ACAT1: variants seen among roughly 807,000 people sequenced by gnomAD.
ACAT1 encodes the protein acetyl-CoA acetyltransferase 1.
A neutral mutation model predicts 47.3 loss-of-function variants in ACAT1; 28 were observed. That is an observed-to-expected ratio of 0.59 (90% CI 0.44 to 0.81). ACAT1 has a LOEUF of 0.81. Among genes scored for constraint, ACAT1 ranks in the 30% least tolerant of loss-of-function variants. The probability of loss-of-function intolerance (pLI) is 0.00; values close to 1 mark genes in which losing one functional copy is unlikely to be tolerated. For synonymous variants in ACAT1, 181 were observed against 173.6 expected, an observed-to-expected ratio of 1.04 and a Z score of -0.34; for missense variants, 469 against 524.3, an observed-to-expected ratio of 0.89 and a Z score of 1.03.
chr11:108,147,201 A>C (rs1340717223), intron 11 of ACAT1, 69 bp from the exon 12 acceptor site: 2 of 1,574,074 alleles, frequency 1.3e-6, no homozygotes, highest in African/African-American at 1.3e-5. Context: ...GTTAAATTGG[A>C]ATAGAAACAT....
At chr11:108,131,832 C>A in intron 1 of ACAT1, 75 bp from the exon 2 acceptor site, 1 of 694,016 alleles carries the variant, frequency 1.4e-6, no homozygotes, top group African/African-American at 1.9e-5. Flanking sequence ...CCACTATAAC[C>A]TTATCACTGA....
Position 108,121,662 on chromosome 11 carries a change from TCCG to T in ACAT1, c.57_59del (p.Arg21del). 6.5e-7 allele frequency: 1 copy of T among 1,549,248 alleles called. No homozygotes were observed. The highest frequency in any genetic ancestry group is 2.4e-5 in the East Asian group (1 of 41,012). On this transcript the variant is annotated inframe_deletion, in exon 1 of 12. Coordinates refer to ENST00000265838, the MANE Select transcript of ACAT1 (RefSeq NM_000019.4). ...GGCGCCCGCAGCCGCAGCCCCCTGC[TCCG>T]GAGGCTGGTGCAGGTGAGCGGGGTT...
intron 10 of ACAT1, among the ~76,000 whole-genome samples, chr11:108,144,503 G>C (rs1052216082): frequency 1.3e-5 from 2 of 152,140 alleles, no homozygotes; most frequent in Non-Finnish European, 2.9e-5. Context: ...GTCAGTAAGG[G>C]CTATCCAAGT....
In ACAT1 at chr11:108,122,885, T is replaced by TA. The variant is rs11323289; in HGVS notation, c.72+1218dup. ...AGGTGAACTAGGTACTCTAGAGATG[T>TA]AAAAAAAAAAAGTTCAGAACCTTCT... On this transcript the variant is annotated intron_variant, in intron 1 of 11. Coordinates refer to ENST00000265838, the MANE Select transcript of ACAT1 (RefSeq NM_000019.4). Among the ~76,000 whole-genome samples, 369 of 146,878 alleles carry TA rather than the reference T, an allele frequency of 2.5e-3. 1 individual carries two copies. Among genetic ancestry groups the TA allele is most frequent in the African/African-American group, 7.5e-3 (304 of 40,382 alleles).
In ACAT1 at chr11:108,147,506, C is replaced by CTATG; in HGVS notation, c.*118_*121dup. On this transcript the variant is annotated 3_prime_UTR_variant, in exon 12 of 12. Coordinates refer to ENST00000265838, the MANE Select transcript of ACAT1 (RefSeq NM_000019.4). ...AAGCTGTTTCATTTTTTATTATTTTCTATGTTAACTTTTAAAAATCAAAAT... is the reference window on the plus strand; with the variant it reads ...AAGCTGTTTCATTTTTTATTATTTTCTATGTATGTTAACTTTTAAAAATCAAAAT... 1 of 1,309,962 alleles carries CTATG rather than the reference C, an allele frequency of 7.6e-7. No individual in the cohort carries two copies. The highest frequency in any genetic ancestry group is 1.1e-6 in the Non-Finnish European group (1 of 944,072). 81.1% of individuals were successfully genotyped at this position (1,309,962 alleles called of 1,614,324 possible).
At chr11:108,129,387 G>T (rs76025100) in intron 1 of ACAT1, among the ~76,000 whole-genome samples, 3 of 150,790 alleles carry the variant, frequency 2.0e-5, no homozygotes, top group Non-Finnish European at 3.0e-5. Flanking sequence ...TTTTTTTTTT[G>T]AGATGGAGTC....
chr11:108,131,870 T>A, intron 1 of ACAT1, 37 bp from the exon 2 acceptor site: 2 of 989,794 alleles, frequency 2.0e-6, no homozygotes, highest in Non-Finnish European at 2.9e-6. Flanking sequence ...AGTTTAATAT[T>A]TTTTACATTA....
chr11:108,134,911 C>T (rs2077437907), intron 4 of ACAT1, among the ~76,000 whole-genome samples: 1 of 131,662 alleles, frequency 7.6e-6, no homozygotes, highest in Non-Finnish European at 1.5e-5. Context: ...CGCCACTGCA[C>T]GCCAGCTTGG....
chr11:108,146,220 T>C lies in ACAT1; in HGVS notation c.1024T>C (p.Leu342=). The change falls in exon 11 of 12, where the codon TTG becomes CTG. Residue 342 remains leucine (L), a synonymous_variant. Coordinates refer to ENST00000265838, the MANE Select transcript of ACAT1 (RefSeq NM_000019.4). ...ATTTAAGGTTCTTAAAGATGTGGGATTGAAAAAAGAAGATATTGCAATGTG... is the reference window on the plus strand; with the variant it reads ...ATTTAAGGTTCTTAAAGATGTGGGACTGAAAAAAGAAGATATTGCAATGTG... ...AASMVLKDVG[L]KKEDIAMWEV... is the part of the protein sequence containing the mutation. 1 of 1,612,764 alleles carries C rather than the reference T, an allele frequency of 6.2e-7. No individual in the cohort carries two copies. The highest frequency in any genetic ancestry group is 8.5e-7 in the Non-Finnish European group (1 of 1,179,036).
chr11:108,120,825 G>C (rs1159905592), upstream of ACAT1, among the ~76,000 whole-genome samples: 1 of 152,042 alleles, frequency 6.6e-6, no homozygotes. Flanking sequence ...TTGAGAGGCT[G>C]AGTCTGGCCG....
At chr11:108,124,452 G>A (rs1283496382) in intron 1 of ACAT1, among the ~76,000 whole-genome samples, 16 of 151,878 alleles carry the variant, frequency 1.1e-4, no homozygotes, top group African/African-American at 3.9e-4. Context: ...TAGTAGGGAC[G>A]GGCTTTCACC....
intron 5 of ACAT1, 56 bp downstream of exon 5, chr11:108,135,298 A>G: frequency 7.6e-7 from 1 of 1,320,508 alleles, no homozygotes. Flanking sequence ...GGGCTAAAAG[A>G]CACAAAAATC....
rs745737942 is a variant in ACAT1, at chr11:108,146,171, T to A, written c.1006-31T>A. ...CAGTAAGTTGTGATTGCTAATTATTTGAACATCATCTGTCTTTTAAAAAAT... is the reference window on the plus strand; with the variant it reads ...CAGTAAGTTGTGATTGCTAATTATTAGAACATCATCTGTCTTTTAAAAAAT... On this transcript the variant is annotated intron_variant, in intron 10 of 11. Transcript: ENST00000265838. The A allele has an allele frequency of 2.6e-6, 4 of 1,545,008 alleles. No individual in the cohort carries two copies. In the African/African-American group the frequency reaches 5.4e-5, roughly 21 times the overall value.
intron 4 of ACAT1, among the ~76,000 whole-genome samples, chr11:108,134,747 C>T (rs2077432674): frequency 6.7e-6 from 1 of 150,326 alleles, no homozygotes; most frequent in Non-Finnish European, 1.5e-5. Flanking sequence ...AGATTGAGAC[C>T]ATCCTGGCTA....
At position 108,146,214 on chromosome 11, in the gene ACAT1, G is replaced by A. The variant is rs1168919899; in HGVS notation, c.1018G>A (p.Val340Met). ...VYAASMVLKD[V>M]GLKKEDIAMW... ...TAAAAAATTTAAGGTTCTTAAAGAT[G>A]TGGGATTGAAAAAAGAAGATATTGC... The change falls in exon 11 of 12, where the codon GTG (valine) becomes ATG (methionine). Residue 340 changes from valine to methionine, a missense_variant. Transcript: ENST00000265838. 2 of 1,612,120 alleles carry A rather than the reference G, an allele frequency of 1.2e-6. No homozygotes were observed. Among genetic ancestry groups the A allele is most frequent in the African/African-American group, 2.7e-5 (2 of 74,862 alleles).
At chr11:108,141,775 AT>A in intron 8 of ACAT1, 75 bp downstream of exon 8, 2 of 729,994 alleles carry the variant, frequency 2.7e-6, no homozygotes, top group African/African-American at 4.9e-5. Flanking sequence ...TTGCCTAAGG[AT>A]TTTGAAAAAT....
At chr11:108,135,068 A>G in intron 4 of ACAT1, 74 bp from the exon 5 acceptor site, 1 of 974,408 alleles carries the variant, frequency 1.0e-6, no homozygotes, top group Non-Finnish European at 1.6e-6. Context: ...TGTAGTTTAT[A>G]GTAACATGCT....
upstream of ACAT1, chr11:108,121,521 G>T (rs1427494561): frequency 2.8e-6 from 4 of 1,423,554 alleles, no homozygotes; most frequent in African/African-American, 2.8e-5. Flanking sequence ...GATGGGCGGT[G>T]CCCGCGCCGG....
chr11:108,147,596 C>G lies in ACAT1; in HGVS notation c.*206C>G. ...CTTCTTCTGCTTTTTTCTTGGTAAC[C>G]TTGAAAAGTTTGATACATTTTTGCA... On this transcript the variant is annotated 3_prime_UTR_variant, in exon 12 of 12. Transcript: ENST00000265838. 2 of 661,026 alleles carry G rather than the reference C, an allele frequency of 3.0e-6. No homozygotes were observed. Among genetic ancestry groups the G allele is most frequent in the Admixed American group, 3.2e-5 (1 of 31,202 alleles). 40.9% of individuals were successfully genotyped at this position (661,026 alleles called of 1,614,324 possible).
Sources: allele counts gnomAD v4.1 joint callset (sites outside exome capture counted in the v4.1 genomes callset), GRCh38; gene constraint gnomAD v4.1.1; transcripts MANE v1.5; gene names NCBI Gene and HGNC (gene_info 2026-07-23, HGNC 2026-07-21).